The following MAPK8 variants were observed in gnomAD, a reference collection of about 807,000 sequenced individuals.
MAPK8 encodes JUN N-terminal kinase.
MAPK8 carries 13 observed loss-of-function variants against 52.9 expected under a neutral mutation model. That is an observed-to-expected ratio of 0.25 (90% CI 0.16 to 0.39). MAPK8 has a LOEUF of 0.39. Among genes scored for constraint, MAPK8 ranks in the 10% least tolerant of loss-of-function variants. MAPK8 has a pLI of 1.00. For missense variants in MAPK8, 300 were observed against 519.2 expected, an observed-to-expected ratio of 0.58 and a Z score of 4.10; for synonymous variants, 191 against 169.8, an observed-to-expected ratio of 1.12 and a Z score of -0.97.
chr10:48,329,897 T>C (rs1843945006), intron 1 of MAPK8, among the ~76,000 whole-genome samples: 1 of 152,330 alleles, frequency 6.6e-6, no homozygotes, highest in East Asian at 1.9e-4. Context: ...TAATATTAAC[T>C]ACTGCTGATG....
At chr10:48,368,360 A>G (rs749739798) in intron 1 of MAPK8, among the ~76,000 whole-genome samples, 1 of 152,214 alleles carries the variant, frequency 6.6e-6, no homozygotes, top group Non-Finnish European at 1.5e-5. Context: ...AGCCTCAGGG[A>G]TGAGTAGGTC....
intron 1 of MAPK8, among the ~76,000 whole-genome samples, chr10:48,379,559 C>T (rs1466323781): frequency 1.3e-5 from 2 of 151,958 alleles, no homozygotes; most frequent in Admixed American, 6.6e-5. Flanking sequence ...TTCACTTTTC[C>T]CCACAAAAGT....
intron 7 of MAPK8, among the ~76,000 whole-genome samples, chr10:48,424,876 T>G (rs560921250): frequency 6.6e-6 from 1 of 152,242 alleles, no homozygotes; most frequent in African/African-American, 2.4e-5. Context: ...ATTATACACT[T>G]AAGTCTAGAA....
chr10:48,358,766 C>G (rs552518214), intron 1 of MAPK8, among the ~76,000 whole-genome samples: 3 of 152,096 alleles, frequency 2.0e-5, no homozygotes, highest in African/African-American at 7.2e-5. Flanking sequence ...GGTCTTTGAT[C>G]CATTTTGAGT....
chr10:48,316,142 G>T (rs1460582036), intron 1 of MAPK8, among the ~76,000 whole-genome samples: 1 of 152,256 alleles, frequency 6.6e-6, no homozygotes, highest in African/African-American at 2.4e-5. Flanking sequence ...TGATGATACA[G>T]TCATGCACCA....
At chr10:48,369,719 AG>A (rs1848380396) in intron 1 of MAPK8, among the ~76,000 whole-genome samples, 1 of 152,144 alleles carries the variant, frequency 6.6e-6, no homozygotes, top group Admixed American at 6.6e-5. Context: ...CAGACTGGGA[AG>A]GAACAGAAAG....
intron 1 of MAPK8, among the ~76,000 whole-genome samples, chr10:48,385,641 G>T (rs1377494687): frequency 6.6e-6 from 1 of 152,024 alleles, no homozygotes. Flanking sequence ...CAGGCTTTAG[G>T]CCTTATCCAG....
At chr10:48,380,584 A>G (rs972356110) in intron 1 of MAPK8, among the ~76,000 whole-genome samples, 2 of 150,906 alleles carry the variant, frequency 1.3e-5, no homozygotes, top group African/African-American at 4.9e-5. Flanking sequence ...GTACAAAAAA[A>G]TTAGCCGGGC....
At chr10:48,430,940 A>G in intron 10 of MAPK8, 2 of 496,984 alleles carry the variant, frequency 4.0e-6, no homozygotes, top group South Asian at 4.6e-5. Flanking sequence ...CCCCAGCACT[A>G]TCAAACCAAC....
At chr10:48,314,999 T>G (rs1842357205) in intron 1 of MAPK8, among the ~76,000 whole-genome samples, 1 of 152,248 alleles carries the variant, frequency 6.6e-6, no homozygotes, top group Non-Finnish European at 1.5e-5. Context: ...TTACAAAATT[T>G]CCACGTGTAT....
chr10:48,319,860 A>C (rs1490672379), intron 1 of MAPK8, among the ~76,000 whole-genome samples: 1 of 152,048 alleles, frequency 6.6e-6, no homozygotes, highest in East Asian at 1.9e-4. Flanking sequence ...TATTTCACTT[A>C]GCATGATGTT....
At chr10:48,381,617 CTT>C (rs2041010191) in intron 1 of MAPK8, among the ~76,000 whole-genome samples, 1 of 152,102 alleles carries the variant, frequency 6.6e-6, no homozygotes, top group Admixed American at 6.6e-5. Context: ...TTGATGCCTA[CTT>C]TTTTGTTTAT....
chr10:48,420,394 ATACT>A (rs1218105278), intron 6 of MAPK8, 74 bp downstream of exon 6: 1 of 1,345,382 alleles, frequency 7.4e-7, no homozygotes, highest in African/African-American at 1.5e-5. Context: ...TTTAATGTAA[ATACT>A]TAAGCAGAAG....
chr10:48,387,101 A>G (rs537880872), intron 1 of MAPK8, among the ~76,000 whole-genome samples: 2 of 152,350 alleles, frequency 1.3e-5, no homozygotes, highest in South Asian at 4.1e-4. Context: ...AATCTATTTT[A>G]TGAATAGGTC....
chr10:48,419,345 G>A (rs1216641081), intron 5 of MAPK8, among the ~76,000 whole-genome samples: 10 of 152,206 alleles, frequency 6.6e-5, no homozygotes, highest in South Asian at 4.1e-4. Flanking sequence ...TGCTTTCTTC[G>A]TTTTTTGGTC....
At chr10:48,416,958 A>G (rs907176045) in intron 5 of MAPK8, among the ~76,000 whole-genome samples, 1 of 152,104 alleles carries the variant, frequency 6.6e-6, no homozygotes, top group African/African-American at 2.4e-5. Context: ...ATTGGGGCCC[A>G]AGGGTCATTT....
chr10:48,388,712 T>C (rs1360209067), intron 1 of MAPK8, among the ~76,000 whole-genome samples: 1 of 152,102 alleles, frequency 6.6e-6, no homozygotes, highest in African/African-American at 2.4e-5. Context: ...CAGGTGAGAA[T>C]GGGAGTAAAA....
At chr10:48,355,339 C>G (rs1846782366) in intron 1 of MAPK8, among the ~76,000 whole-genome samples, 1 of 152,070 alleles carries the variant, frequency 6.6e-6, no homozygotes, top group East Asian at 1.9e-4. Flanking sequence ...GAAACCCCAT[C>G]TCTACTAAAA....
chr10:48,430,732 A>G (rs1316695815), intron 10 of MAPK8: 1 of 156,612 alleles, frequency 6.4e-6, no homozygotes, highest in Non-Finnish European at 1.4e-5. Flanking sequence ...AAGCTTTTGC[A>G]CACTCTAATT....
Sources: gnomAD v4.1 joint callset for allele counts (sites outside exome capture counted in the v4.1 genomes callset) on GRCh38, gnomAD v4.1.1 for gene constraint, MANE v1.5 for transcripts, NCBI Gene and HGNC (gene_info 2026-07-23, HGNC 2026-07-21) for gene names.